Variants in UNC13C observed in about 807,000 individuals in gnomAD.
The protein encoded by UNC13C is protein unc-13 homolog C.
Under a neutral mutation model 245.4 loss-of-function variants are expected in UNC13C, and 174 were observed. The ratio of observed to expected loss-of-function variants is 0.71; its 90% CI spans 0.63 to 0.80. UNC13C has a LOEUF of 0.80. UNC13C is among the 30% of genes least tolerant of loss of function. UNC13C has a pLI of 0.00. For missense variants in UNC13C, 2,829 were observed against 2,602.9 expected (o/e 1.09, Z -1.89); for synonymous variants, 992 against 895.1 (o/e 1.11, Z -1.93).
intron 13 of UNC13C, among the ~76,000 whole-genome samples, chr15:54,300,623 A>G (rs1346065893): frequency 6.6e-6 from 1 of 152,106 alleles, no homozygotes; most frequent in East Asian, 1.9e-4. Context: ...TATCAACAGC[A>G]CCTGGCAACT....
intron 1 of UNC13C, among the ~76,000 whole-genome samples, chr15:54,002,366 C>A (rs1894935730): frequency 6.6e-6 from 1 of 152,000 alleles, no homozygotes; most frequent in Non-Finnish European, 1.5e-5. Context: ...CGCTTAGAAG[C>A]TCTGAGTCTA....
intron 29 of UNC13C, among the ~76,000 whole-genome samples, chr15:54,557,574 C>A (rs1473685305): frequency 6.6e-6 from 1 of 151,386 alleles, no homozygotes. Flanking sequence ...TCAATGTCTC[C>A]CCGGAGCCCA....
chr15:54,250,393 G>A lies in UNC13C; in HGVS notation c.3397G>A (p.Val1133Met), dbSNP rs908635094. 114 of 1,613,628 alleles carry A rather than the reference G, an allele frequency of 7.1e-5. No individual in the cohort carries two copies. Among genetic ancestry groups the A allele is most frequent in the Non-Finnish European group, 9.6e-5 (113 of 1,179,778 alleles). ...RQGMKCLECG[V>M]KCHEKCQDLL... ...AGGCATGAAGTGTCTGGAGTGTGGA[G>A]TGAAATGCCACGAAAAGTGTCAGGA... The change falls in exon 8 of 33, where the codon GTG becomes ATG. Residue 1133 changes from valine (V) to methionine (M), a missense_variant. Coordinates refer to ENST00000260323, the MANE Select transcript of UNC13C (RefSeq NM_001080534.3).
chr15:54,532,937 A>G lies in UNC13C; in HGVS notation c.5567A>G (p.Glu1856Gly), dbSNP rs1310578455. The change falls in exon 26 of 33, where the codon GAG becomes GGG. Residue 1856 changes from glutamate (E) to glycine (G), a missense_variant. Physicochemically the swap from Glu to Gly is moderately conservative, Grantham distance 98 (BLOSUM62 -2). Transcript: ENST00000260323. ...YGESFQVIIE[E>G]CIKQMSFELN... ...TTTAGTTTCCAGGTTATAATTGAAGAGTGTATAAAACAGATGAGTTTCGAA... is the reference window on the plus strand; with the variant it reads ...TTTAGTTTCCAGGTTATAATTGAAGGGTGTATAAAACAGATGAGTTTCGAA... 5 of 1,561,008 alleles carry G rather than the reference A, an allele frequency of 3.2e-6. No homozygotes were observed. The highest frequency in any genetic ancestry group is 3.5e-6 in the Non-Finnish European group (4 of 1,145,780).
the UNC13C span, among the ~76,000 whole-genome samples, chr15:53,888,148 G>A: frequency 5.9e-5 from 9 of 152,170 alleles, no homozygotes; most frequent in South Asian, 2.1e-4. Flanking sequence ...CACAATGGTT[G>A]AACTAATTCA....
At chr15:54,586,904 T>G (rs1407208561) in intron 30 of UNC13C, among the ~76,000 whole-genome samples, 1 of 152,186 alleles carries the variant, frequency 6.6e-6, no homozygotes, top group Admixed American at 6.5e-5. Flanking sequence ...GGAAGCAGGA[T>G]CATCCAGATA....
chr15:53,995,973 C>T lies in UNC13C; in HGVS notation c.-256-16675C>T, dbSNP rs562694707. ...GGAGGTAATGCTATGGAAGGACGGC[C>T]GAAGGCTCTTGTTCATTTGTTTGTT... On this transcript the variant is annotated intron_variant, in intron 1 of 32. Transcript: ENST00000260323. 5.3e-5 allele frequency among the ~76,000 whole-genome samples: 8 copies of T among 152,070 alleles called. No individual in the cohort carries two copies. In the South Asian group the frequency reaches 1.2e-3, roughly 24 times the overall value.
intron 30 of UNC13C, among the ~76,000 whole-genome samples, chr15:54,569,798 C>A (rs1897671163): frequency 6.6e-6 from 1 of 151,458 alleles, no homozygotes; most frequent in Non-Finnish European, 1.5e-5. Context: ...TCTGAGTATT[C>A]AATTTTTTTT....
the UNC13C span, among the ~76,000 whole-genome samples, chr15:53,841,994 G>A: frequency 2.6e-5 from 4 of 152,096 alleles, no homozygotes; most frequent in African/African-American, 9.7e-5. Context: ...GTGTAAGGGT[G>A]GAGAGTTATC....
the UNC13C span, among the ~76,000 whole-genome samples, chr15:53,925,087 A>G: frequency 4.3e-4 from 65 of 152,280 alleles, no homozygotes; most frequent in Non-Finnish European, 5.6e-4. Flanking sequence ...AACAGCACTT[A>G]GTTTCATGGG....
intron 2 of UNC13C, among the ~76,000 whole-genome samples, chr15:54,041,941 A>T (rs1428404435): frequency 2.0e-5 from 3 of 152,174 alleles, no homozygotes. Context: ...GATTTGTGTA[A>T]TGTTTCACAA....
intron 4 of UNC13C, among the ~76,000 whole-genome samples, chr15:54,177,255 T>G (rs917400753): frequency 3.3e-5 from 5 of 152,088 alleles, no homozygotes; most frequent in African/African-American, 9.7e-5. Context: ...TAAACAATAG[T>G]GATGGTAATA....
intron 4 of UNC13C, among the ~76,000 whole-genome samples, chr15:54,146,235 T>G (rs1595909247): frequency 6.6e-6 from 1 of 152,178 alleles, no homozygotes; most frequent in Non-Finnish European, 1.5e-5. Flanking sequence ...AAACTATGAC[T>G]GGGGCAGACT....
At chr15:54,049,454 GA>G in intron 2 of UNC13C, 1 of 434,644 alleles carries the variant, frequency 2.3e-6, no homozygotes, top group Non-Finnish European at 4.6e-6. Flanking sequence ...TAACATTGAA[GA>G]GACATTGAAA....
chr15:54,190,369 T>C (rs535359597), intron 4 of UNC13C, among the ~76,000 whole-genome samples: 10 of 152,292 alleles, frequency 6.6e-5, no homozygotes, highest in African/African-American at 2.2e-4. Context: ...AATCTCCCTC[T>C]TTCCTGTACT....
At chr15:54,277,866 C>T (rs942093090) in intron 10 of UNC13C, among the ~76,000 whole-genome samples, 3 of 151,992 alleles carry the variant, frequency 2.0e-5, no homozygotes, top group African/African-American at 7.2e-5. Flanking sequence ...AAAAATGATA[C>T]AGTTGGGGGA....
At chr15:53,845,228 G>A in the UNC13C span, among the ~76,000 whole-genome samples, 1,260 of 151,794 alleles carry the variant, frequency 8.3e-3, 21 homozygotes, top group African/African-American at 0.029. Context: ...AGGAGGCTGA[G>A]GCAGGAGAAT....
chr15:54,280,769 C>CAT lies in UNC13C; in HGVS notation c.3819-13114_3819-13113dup, dbSNP rs1555443212. Among the ~76,000 whole-genome samples the CAT allele has an allele frequency of 4.2e-3, 456 of 107,514 alleles. 3 individuals are homozygous for CAT. The highest frequency in any genetic ancestry group is 5.6e-3 in the Middle Eastern group (1 of 180). The allele number at this position is 107,514 out of a possible 152,430, so 70.5% of individuals were successfully genotyped here. A position where few individuals can be genotyped will look rare whatever the true frequency, so the allele number is the denominator to read the frequency against. On this transcript the variant is annotated intron_variant, in intron 10 of 32. Transcript: ENST00000260323. ...ATACATATATACACATACATACATA[C>CAT]ATATATATATATACACATATATATA...
intron 19 of UNC13C, among the ~76,000 whole-genome samples, chr15:54,461,890 G>C (rs953739532): frequency 6.6e-6 from 1 of 152,134 alleles, no homozygotes; most frequent in Admixed American, 6.5e-5. Context: ...GAAGAATACT[G>C]GTATGAAATA....
Sources: gnomAD v4.1 joint callset for allele counts (sites outside exome capture counted in the v4.1 genomes callset) on GRCh38, gnomAD v4.1.1 for gene constraint, MANE v1.5 for transcripts, NCBI Gene and HGNC (gene_info 2026-07-23, HGNC 2026-07-21) for gene names.